TULP4: variants seen among roughly 807,000 people sequenced by gnomAD.
The protein encoded by TULP4 is TUB like protein 4, also known as tubby-related protein 4.
TULP4 carries 16 observed loss-of-function variants against 129.0 expected under a neutral mutation model. The observed-to-expected ratio is 0.12, with a 90% CI of 0.08 to 0.19. TULP4 has a LOEUF of 0.19. TULP4 is among the 10% of genes least tolerant of loss of function. The pLI is 1.00. For synonymous variants in TULP4, 998 were observed against 854.0 expected, an observed-to-expected ratio of 1.17 and a Z score of -2.94; for missense variants, 1,842 against 2,059.1, an observed-to-expected ratio of 0.89 and a Z score of 2.04.
intron 4 of TULP4, among the ~76,000 whole-genome samples, chr6:158,451,738 G>C (rs940541051): frequency 1.3e-5 from 2 of 152,182 alleles, no homozygotes; most frequent in African/African-American, 4.8e-5. Context: ...TTCTCTCTTA[G>C]ACCAGAATTA....
intron 1 of TULP4, among the ~76,000 whole-genome samples, chr6:158,379,835 A>T (rs1777283196): frequency 6.6e-6 from 1 of 152,166 alleles, no homozygotes; most frequent in South Asian, 2.1e-4. Flanking sequence ...CCTGTTTGAC[A>T]TTGAAATGGA....
At chr6:158,241,246 G>A (rs1400019691) in intron 1 of TULP4, among the ~76,000 whole-genome samples, 1 of 122,350 alleles carries the variant, frequency 8.2e-6, no homozygotes, top group African/African-American at 2.7e-5. Flanking sequence ...GGGCGGAGAC[G>A]CTCCTCACTT....
At chr6:158,450,954 A>T (rs900360330) in intron 4 of TULP4, among the ~76,000 whole-genome samples, 2 of 151,958 alleles carry the variant, frequency 1.3e-5, no homozygotes, top group Non-Finnish European at 2.9e-5. Flanking sequence ...AATCCCAGCT[A>T]CTCCGGAGGC....
At chr6:158,272,439 G>A (rs1288107846) in intron 1 of TULP4, among the ~76,000 whole-genome samples, 3 of 152,148 alleles carry the variant, frequency 2.0e-5, no homozygotes, top group Non-Finnish European at 4.4e-5. Flanking sequence ...CTGAAGAAGA[G>A]GATCTGGCAG....
At chr6:158,432,378 CAG>C (rs1359387372) in intron 3 of TULP4, among the ~76,000 whole-genome samples, 3 of 152,146 alleles carry the variant, frequency 2.0e-5, no homozygotes, top group African/African-American at 7.2e-5. Context: ...CCCTGCAGCT[CAG>C]GGGCTCTGAA....
At chr6:158,377,487 A>G (rs907413250) in intron 1 of TULP4, among the ~76,000 whole-genome samples, 17 of 152,268 alleles carry the variant, frequency 1.1e-4, no homozygotes, top group South Asian at 6.2e-4. Context: ...GTGTAATGCA[A>G]TGCATTAATT....
chr6:158,502,224 T>TCCC lies in TULP4; in HGVS notation c.2561_2562insCCC (p.Pro857dup). 1 of 438,142 alleles carries TCCC rather than the reference T, an allele frequency of 2.3e-6. No homozygotes were observed. The highest frequency in any genetic ancestry group is 5.9e-5 in the Admixed American group (1 of 17,086). The allele number at this position is 438,142 out of a possible 1,614,324, so 27.1% of individuals were successfully genotyped here. A position where few individuals can be genotyped will look rare whatever the true frequency, so the allele number is the denominator to read the frequency against. ...ACCACAGCAGCACCCCCGCCCCCTC[T>TCCC]GCCGCCCCCACAGCCCCCAGTGGAT... On this transcript the variant is annotated inframe_insertion, in exon 13 of 14. Transcript: ENST00000367097.
chr6:158,344,653 C>T (rs1057467751), intron 1 of TULP4, among the ~76,000 whole-genome samples: 18 of 152,112 alleles, frequency 1.2e-4, no homozygotes, highest in African/African-American at 3.9e-4. Flanking sequence ...ACTGTTCCAC[C>T]GGCTGGCCAT....
chr6:158,338,860 T>G (rs985732456), intron 1 of TULP4, among the ~76,000 whole-genome samples: 1 of 152,214 alleles, frequency 6.6e-6, no homozygotes, highest in African/African-American at 2.4e-5. Context: ...ATATTCTCTC[T>G]GGCTCTGGGA....
intron 1 of TULP4, among the ~76,000 whole-genome samples, chr6:158,353,231 A>C (rs1780569598): frequency 1.3e-5 from 2 of 152,234 alleles, no homozygotes; most frequent in South Asian, 4.1e-4. Context: ...ATAATGCTTC[A>C]AACCTACATA....
intron 1 of TULP4, among the ~76,000 whole-genome samples, chr6:158,290,818 C>T (rs373830207): frequency 6.6e-6 from 1 of 152,122 alleles, no homozygotes; most frequent in African/African-American, 2.4e-5. Context: ...ACCTTCCCCC[C>T]CACATTTGTC....
intron 3 of TULP4, among the ~76,000 whole-genome samples, chr6:158,434,198 T>C (rs1473866767): frequency 6.6e-6 from 1 of 152,212 alleles, no homozygotes. Context: ...AATAGTCACA[T>C]TTGGGGTTCA....
At chr6:158,434,921 G>A (rs827955) in intron 3 of TULP4, among the ~76,000 whole-genome samples, 152,322 of 152,326 alleles carry the variant, frequency 1, 76,159 homozygotes, top group Middle Eastern at 1. Context: ...CCACATACAT[G>A]AAATGGCATG....
Position 158,464,105 on chromosome 6 carries a change from T to C in TULP4, c.1026+2376T>C, listed in dbSNP as rs559335974. 3.9e-4 allele frequency among the ~76,000 whole-genome samples: 59 copies of C among 152,302 alleles called. No homozygotes were observed. In the South Asian group the frequency reaches 0.012, roughly 30 times the overall value. Reference sequence around the variant, plus strand: ...TGTTGACAAACCAAATTCTGTACAATATTTAAAGAGGTTTAGTCTGAGCCA... The same window carrying C: ...TGTTGACAAACCAAATTCTGTACAACATTTAAAGAGGTTTAGTCTGAGCCA... On this transcript the variant is annotated intron_variant, in intron 6 of 13. Transcript: ENST00000367097.
intron 7 of TULP4, 52 bp downstream of exon 7, chr6:158,480,027 C>G (rs1004885426): frequency 1.1e-5 from 16 of 1,415,092 alleles, no homozygotes; most frequent in African/African-American, 5.6e-5. Context: ...TGCTGGCTCC[C>G]CACAGAGCCA....
intron 1 of TULP4, among the ~76,000 whole-genome samples, chr6:158,372,066 C>T (rs1233995387): frequency 1.3e-5 from 2 of 150,904 alleles, no homozygotes; most frequent in Non-Finnish European, 2.9e-5. Context: ...CTGCCCACCT[C>T]GGCCTCTCAA....
chr6:158,234,546 T>C (rs1427443177), intron 1 of TULP4, among the ~76,000 whole-genome samples: 1 of 152,202 alleles, frequency 6.6e-6, no homozygotes, highest in Non-Finnish European at 1.5e-5. Context: ...ATTTGCAACA[T>C]CAATTAACAA....
intron 1 of TULP4, among the ~76,000 whole-genome samples, chr6:158,370,601 C>G (rs962894702): frequency 3.3e-5 from 5 of 151,094 alleles, no homozygotes; most frequent in African/African-American, 1.2e-4. Context: ...CTTATTCAAA[C>G]ATAATGAAAT....
At chr6:158,269,380 TAAAAAAAAAA>T (rs10583634) in intron 1 of TULP4, among the ~76,000 whole-genome samples, 43 of 131,112 alleles carry the variant, frequency 3.3e-4, no homozygotes, top group African/African-American at 1.3e-3. Context: ...TCAGCATTTG[TAAAAAAAAAA>T]AAAAAAAAAA....
Sources: gnomAD v4.1 joint callset for allele counts (sites outside exome capture counted in the v4.1 genomes callset) on GRCh38, gnomAD v4.1.1 for gene constraint, MANE v1.5 for transcripts, NCBI Gene and HGNC (gene_info 2026-07-23, HGNC 2026-07-21) for gene names.